The following TMPRSS11F variants were observed in gnomAD, a reference collection of about 807,000 sequenced individuals.
TMPRSS11F encodes transmembrane serine protease 11F, also known as transmembrane protease serine 11F.
TMPRSS11F carries 47 observed loss-of-function variants against 60.2 expected under a neutral mutation model. That is an observed-to-expected ratio of 0.78 (90% CI 0.62 to 1.00). TMPRSS11F has a LOEUF of 1.00. TMPRSS11F is among the 50% of genes least tolerant of loss of function. The pLI, the probability that TMPRSS11F is intolerant of heterozygous loss-of-function variation, is 0.00. For missense variants in TMPRSS11F, 519 were observed against 522.9 expected, an observed-to-expected ratio of 0.99 and a Z score of 0.07; for synonymous variants, 166 against 167.3, an observed-to-expected ratio of 0.99 and a Z score of 0.06.
At chr4:68,056,455 A>C (rs981131772) in intron 9 of TMPRSS11F, among the ~76,000 whole-genome samples, 15 of 152,010 alleles carry the variant, frequency 9.9e-5, no homozygotes, top group South Asian at 2.1e-4. Flanking sequence ...AAAAAAAAAA[A>C]AACACTTGGG....
chr4:68,098,313 A>G lies in TMPRSS11F; in HGVS notation c.163+574T>C, dbSNP rs148992906. On this transcript the variant is annotated intron_variant, in intron 2 of 9. Coordinates refer to ENST00000356291, the MANE Select transcript of TMPRSS11F (RefSeq NM_207407.2). The stretch of plus-strand genomic sequence containing the variant: ...ACTCAAGAATCTGTCTCAAAAAAAA[A>G]GAGGAAAATACAGAAACCAAAGACG... 1.4e-3 allele frequency among the ~76,000 whole-genome samples: 217 copies of G among 152,284 alleles called. 2 individuals are homozygous for G. The highest frequency in any genetic ancestry group is 5.1e-3 in the African/African-American group (212 of 41,574).
At chr4:68,101,012 T>G (rs1724180998) in intron 1 of TMPRSS11F, among the ~76,000 whole-genome samples, 1 of 152,158 alleles carries the variant, frequency 6.6e-6, no homozygotes. Flanking sequence ...GTTTTGTAGG[T>G]TTCATTACTA....
intron 2 of TMPRSS11F, among the ~76,000 whole-genome samples, chr4:68,098,517 A>G (rs1374620073): frequency 4.6e-5 from 7 of 152,200 alleles, no homozygotes; most frequent in Non-Finnish European, 8.8e-5. Flanking sequence ...TATTTTTCAG[A>G]TAACTCTTCT....
chr4:68,116,718 G>T (rs1197944294), intron 1 of TMPRSS11F, among the ~76,000 whole-genome samples: 1 of 152,040 alleles, frequency 6.6e-6, no homozygotes, highest in African/African-American at 2.4e-5. Flanking sequence ...TATTTGACAA[G>T]GGTACCAAGA....
intron 1 of TMPRSS11F, among the ~76,000 whole-genome samples, chr4:68,114,386 T>A (rs1724470386): frequency 6.6e-6 from 1 of 151,660 alleles, no homozygotes; most frequent in South Asian, 2.1e-4. Flanking sequence ...AGAAAGATAT[T>A]ACCATAGACC....
rs762064989 is a variant in TMPRSS11F at position 68,072,450 on chromosome 4, G to A, written c.387C>T (p.Leu129=). The A allele has an allele frequency of 6.3e-6, 10 of 1,589,728 alleles. No homozygotes were observed. The highest frequency in any genetic ancestry group is 8.6e-7 in the Non-Finnish European group (1 of 1,165,836). ...TATCAGTAGATGGGTATCGAAATAT[G>A]AGCACTATAAGAATATCCACACCTT... is the stretch of plus-strand genomic sequence containing the variant. The part of the protein sequence containing the change: ...DEQGVDILIV[L]IFRYPSTDSA... The change falls in exon 5 of 10, where the codon CTC becomes CTT. Residue 129 remains leucine (L), a synonymous_variant. Coordinates refer to ENST00000356291, the MANE Select transcript of TMPRSS11F (RefSeq NM_207407.2).
chr4:68,068,786 G>A lies in TMPRSS11F; in HGVS notation c.587C>T (p.Pro196Leu), dbSNP rs1723388336. Residue 196 changes from proline to leucine, a missense_variant, in exon 7 of 10, where the codon CCA (proline) becomes CTA (leucine). Physicochemically the swap from Pro to Leu is moderately conservative, Grantham distance 98. Transcript: ENST00000356291. ...CGIRMTSSNM[P>L]LPASSSTQRI... ...TTGAGTAGAAGAGGATGCTGGTAAT[G>A]GCATGTTTGAAGATGTCATCCTTAT... The A allele has an allele frequency of 6.2e-7, 1 of 1,614,166 alleles. No individual in the cohort carries two copies. The highest frequency in any genetic ancestry group is 8.5e-7 in the Non-Finnish European group (1 of 1,180,028).
At chr4:68,080,098 T>C (rs1226659772) in intron 3 of TMPRSS11F, 1 of 152,190 alleles carries the variant, frequency 6.6e-6, no homozygotes, top group Non-Finnish European at 1.5e-5. Flanking sequence ...ACAAAACTGA[T>C]TCTTTTCCTC....
At chr4:68,098,056 G>A (rs1038671877) in intron 2 of TMPRSS11F, among the ~76,000 whole-genome samples, 2 of 152,118 alleles carry the variant, frequency 1.3e-5, no homozygotes, top group African/African-American at 2.4e-5. Flanking sequence ...TATAATCCCA[G>A]CACTTTGGGA....
chr4:68,120,286 G>C (rs1724598431), intron 1 of TMPRSS11F, among the ~76,000 whole-genome samples: 1 of 152,026 alleles, frequency 6.6e-6, no homozygotes, highest in Non-Finnish European at 1.5e-5. Flanking sequence ...ATAAAGCAGT[G>C]GCAGAGTTTC....
At chr4:68,059,497 T>C in intron 8 of TMPRSS11F, 29 bp from the exon 9 acceptor site, 1 of 1,601,344 alleles carries the variant, frequency 6.2e-7, no homozygotes, top group Non-Finnish European at 8.5e-7. Flanking sequence ...AAAAAACAAA[T>C]AAACAGTATT....
At chr4:68,063,946 T>G (rs562402110) in intron 8 of TMPRSS11F, among the ~76,000 whole-genome samples, 411 of 152,292 alleles carry the variant, frequency 2.7e-3, no homozygotes, top group South Asian at 7.2e-3. Flanking sequence ...GCGATTTAAA[T>G]TATATGCTGA....
chr4:68,101,633 A>G (rs1046705996), intron 1 of TMPRSS11F, among the ~76,000 whole-genome samples: 4 of 152,086 alleles, frequency 2.6e-5, no homozygotes, highest in African/African-American at 9.7e-5. Flanking sequence ...GTACATGACA[A>G]TTTTTTGTTC....
intron 1 of TMPRSS11F, among the ~76,000 whole-genome samples, chr4:68,115,304 C>A (rs1724494082): frequency 2.2e-5 from 3 of 138,624 alleles, no homozygotes; most frequent in African/African-American, 5.4e-5. Flanking sequence ...TGGCAGCAAG[C>A]CGAGATCGCA....
intron 1 of TMPRSS11F, among the ~76,000 whole-genome samples, chr4:68,119,593 A>G (rs906374571): frequency 6.6e-6 from 1 of 152,180 alleles, no homozygotes; most frequent in African/African-American, 2.4e-5. Flanking sequence ...TGCTCTATAG[A>G]TAGAAGAACA....
chr4:68,091,775 CTCTCTCTCTA>C (rs1429420586), intron 2 of TMPRSS11F, among the ~76,000 whole-genome samples: 19 of 55,126 alleles, frequency 3.4e-4, no homozygotes, highest in African/African-American at 8.5e-4. Flanking sequence ...CTCTCTCTCT[CTCTCTCTCTA>C]TCTATCTATC....
At chr4:68,127,667 C>T (rs1724740523) in intron 1 of TMPRSS11F, among the ~76,000 whole-genome samples, 1 of 151,840 alleles carries the variant, frequency 6.6e-6, no homozygotes, top group Admixed American at 6.6e-5. Context: ...TGACCATGAC[C>T]CACGGTTAGA....
chr4:68,124,963 T>C (rs536068881), intron 1 of TMPRSS11F, among the ~76,000 whole-genome samples: 251 of 149,638 alleles, frequency 1.7e-3, no homozygotes, highest in African/African-American at 6.0e-3. Flanking sequence ...TTTTTTTTTT[T>C]TTTTACATAG....
At position 68,056,153 on chromosome 4, in the gene TMPRSS11F, T is replaced by C. The variant is rs139481024; in HGVS notation, c.1159-2086A>G. Among the ~76,000 whole-genome samples the C allele has an allele frequency of 1.7e-3, 255 of 152,268 alleles. 2 individuals carry two copies. The highest frequency in any genetic ancestry group is 6.0e-3 in the African/African-American group (249 of 41,564). On this transcript the variant is annotated intron_variant, in intron 9 of 9. Coordinates refer to ENST00000356291, the MANE Select transcript of TMPRSS11F (RefSeq NM_207407.2). ...GATATCTACTCTGATTTCTTTTCAA[T>C]GCAGTTCTGGAAGTTGTCGCTAGAG...
Sources: gnomAD v4.1 joint callset for allele counts (sites outside exome capture counted in the v4.1 genomes callset) on GRCh38, gnomAD v4.1.1 for gene constraint, MANE v1.5 for transcripts, NCBI Gene and HGNC (gene_info 2026-07-23, HGNC 2026-07-21) for gene names.